The following ODAD2 variants were observed in gnomAD, a reference collection of about 807,000 sequenced individuals.
The protein encoded by ODAD2 is outer dynein arm docking complex subunit 2.
A neutral mutation model predicts 106.8 loss-of-function variants in ODAD2; 89 were observed. That is an observed-to-expected ratio of 0.83 (90% CI 0.70 to 0.99). The LOEUF (loss-of-function observed/expected upper bound fraction) is 0.99. ODAD2 is among the 50% of genes least tolerant of loss of function. ODAD2 has a pLI of 0.00. For synonymous variants in ODAD2, 404 were observed against 436.2 expected (o/e 0.93, Z 0.92); for missense variants, 1,168 against 1,238.5 (o/e 0.94, Z 0.85).
chr10:27,900,919 A>C (rs1044651577), intron 17 of ODAD2, among the ~76,000 whole-genome samples: 2 of 152,178 alleles, frequency 1.3e-5, no homozygotes, highest in African/African-American at 4.8e-5. Flanking sequence ...AACTTCCCCA[A>C]CCTAGCAAGA....
chr10:27,975,195 T>G (rs2133037494), intron 7 of ODAD2, among the ~76,000 whole-genome samples: 1 of 152,292 alleles, frequency 6.6e-6, no homozygotes, highest in African/African-American at 2.4e-5. Context: ...TATTCACAAC[T>G]GAATTCCTCA....
chr10:27,902,139 A>G (rs1436415707), intron 17 of ODAD2, among the ~76,000 whole-genome samples: 26 of 152,260 alleles, frequency 1.7e-4, no homozygotes, highest in Admixed American at 1.7e-3. Context: ...ATTGGAACTC[A>G]GGATTAAGAA....
At chr10:27,955,909 G>A (rs1322463341) in intron 10 of ODAD2, among the ~76,000 whole-genome samples, 3 of 151,942 alleles carry the variant, frequency 2.0e-5, no homozygotes, top group Non-Finnish European at 4.4e-5. Flanking sequence ...CTGGCAGCCC[G>A]GTGGCATTTC....
At chr10:27,897,166 C>G (rs770926116) in intron 17 of ODAD2, among the ~76,000 whole-genome samples, 2 of 152,066 alleles carry the variant, frequency 1.3e-5, no homozygotes, top group South Asian at 2.1e-4. Context: ...CCTTCCCACC[C>G]GCCTGCCTTC....
intron 16 of ODAD2, among the ~76,000 whole-genome samples, chr10:27,915,988 G>C (rs1453160003): frequency 6.6e-6 from 1 of 152,154 alleles, no homozygotes; most frequent in Non-Finnish European, 1.5e-5. Flanking sequence ...AGGATGAAGA[G>C]AGAATCTCTC....
At chr10:27,896,276 T>C (rs1215455920) in intron 17 of ODAD2, among the ~76,000 whole-genome samples, 2 of 152,196 alleles carry the variant, frequency 1.3e-5, no homozygotes, top group African/African-American at 4.8e-5. Context: ...CCAGTGCTCA[T>C]TGTTGAAATA....
intron 19 of ODAD2, among the ~76,000 whole-genome samples, chr10:27,858,993 C>T (rs1464961334): frequency 6.6e-6 from 1 of 151,716 alleles, no homozygotes; most frequent in Non-Finnish European, 1.5e-5. Context: ...AACTAACTGA[C>T]AATTGTCTAA....
intron 16 of ODAD2, among the ~76,000 whole-genome samples, chr10:27,929,826 T>C (rs1025992240): frequency 6.6e-6 from 1 of 152,188 alleles, no homozygotes; most frequent in Non-Finnish European, 1.5e-5. Context: ...TACTTATTTT[T>C]TCCCTTCTGA....
rs755711506 is a variant in ODAD2, at chr10:27,959,004, T to C, written c.1386+2564A>G. On this transcript the variant is annotated intron_variant, in intron 10 of 19. Transcript: ENST00000305242. ...AAATAAAGATAATGGACCGGGACTC[T>C]TGGGAAAAACTCAGGACTCTCTTAA... The C allele has an allele frequency of 2.1e-5, 27 of 1,303,060 alleles. No individual in the cohort carries two copies. The African/African-American group carries it at 3.0e-4, about 15-fold the overall frequency. 80.7% of individuals were successfully genotyped at this position (1,303,060 alleles called of 1,614,324 possible). A position where few individuals can be genotyped will look rare whatever the true frequency, so the allele number is the denominator to read the frequency against.
chr10:27,812,257 T>G lies in ODAD2; in HGVS notation c.*255A>C, dbSNP rs1835800327. 1 of 463,566 alleles carries G rather than the reference T, an allele frequency of 2.2e-6. No individual in the cohort carries two copies. The highest frequency in any genetic ancestry group is 2.1e-5 in the African/African-American group (1 of 48,378). The allele number at this position is 463,566 out of a possible 1,614,324, so 28.7% of individuals were successfully genotyped here. A position where few individuals can be genotyped will look rare whatever the true frequency, so the allele number is the denominator to read the frequency against. ...TACATCATATACGTATATTCTCATA[T>G]TCTTAGAAACTTATCACAGGTTTAT... On this transcript the variant is annotated 3_prime_UTR_variant, in exon 20 of 20. Coordinates refer to ENST00000305242, the MANE Select transcript of ODAD2 (RefSeq NM_018076.5).
chr10:27,835,001 C>T (rs12771348), intron 19 of ODAD2, among the ~76,000 whole-genome samples: 83,515 of 152,086 alleles, frequency 0.55, 24,566 homozygotes, highest in Middle Eastern at 0.68. Flanking sequence ...CAAGGTCACC[C>T]AGGCCCGACA....
chr10:27,875,606 C>T (rs934374745), intron 17 of ODAD2, among the ~76,000 whole-genome samples: 6 of 152,180 alleles, frequency 3.9e-5, no homozygotes, highest in Non-Finnish European at 5.9e-5. Context: ...CAGTCTACAG[C>T]TCCCAGCATG....
intron 16 of ODAD2, 33 bp downstream of exon 16, chr10:27,934,975 TTA>T (rs752596897): frequency 6.8e-5 from 109 of 1,612,240 alleles, no homozygotes; most frequent in South Asian, 4.5e-4. Context: ...TCCCTAACAC[TTA>T]TATAAAATCT....
intron 3 of ODAD2, among the ~76,000 whole-genome samples, chr10:27,985,969 T>G (rs1457890446): frequency 2.6e-5 from 4 of 151,850 alleles, no homozygotes; most frequent in Non-Finnish European, 5.9e-5. Context: ...AATGGAGAAA[T>G]TTGAGAAAGA....
chr10:27,838,506 T>C (rs554409183), intron 19 of ODAD2, among the ~76,000 whole-genome samples: 19 of 152,336 alleles, frequency 1.2e-4, no homozygotes, highest in African/African-American at 4.6e-4. Context: ...GACTGCACTC[T>C]AAGTAACCAA....
chr10:27,969,884 T>C (rs1201319928), intron 8 of ODAD2, among the ~76,000 whole-genome samples: 1 of 152,132 alleles, frequency 6.6e-6, no homozygotes, highest in Non-Finnish European at 1.5e-5. Context: ...AGTGGGCGGA[T>C]TACTTGAGCT....
chr10:27,931,120 A>G (rs1351696376), intron 16 of ODAD2, among the ~76,000 whole-genome samples: 1 of 151,682 alleles, frequency 6.6e-6, no homozygotes, highest in Non-Finnish European at 1.5e-5. Context: ...TGCTCTCTTA[A>G]AAAAAAAGAA....
intron 19 of ODAD2, among the ~76,000 whole-genome samples, chr10:27,819,559 T>C (rs984125293): frequency 3.2e-5 from 4 of 124,244 alleles, no homozygotes; most frequent in Non-Finnish European, 6.4e-5. Flanking sequence ...GGCAACATAG[T>C]GAGACCCTGT....
intron 10 of ODAD2, among the ~76,000 whole-genome samples, chr10:27,955,673 G>A (rs1450212881): frequency 4.0e-5 from 6 of 150,620 alleles, no homozygotes; most frequent in African/African-American, 1.5e-4. Flanking sequence ...ATTACCACTC[G>A]AAAGAACTCT....
Sources: gnomAD v4.1 joint callset for allele counts (sites outside exome capture counted in the v4.1 genomes callset) on GRCh38, gnomAD v4.1.1 for gene constraint, MANE v1.5 for transcripts, NCBI Gene and HGNC (gene_info 2026-07-23, HGNC 2026-07-21) for gene names.